The following CHLSN variants were observed in gnomAD, a reference collection of about 807,000 sequenced individuals.
CHLSN encodes the protein cholesin, also known as protein cholesin.
the CHLSN span, among the ~76,000 whole-genome samples, chr7:1,005,156 T>C: frequency 1.3e-5 from 2 of 152,182 alleles, no homozygotes; most frequent in Non-Finnish European, 2.9e-5. Context: ...CCGGGCGTGG[T>C]GTCGGATGCC....
chr7:1,044,623 C>G, the CHLSN span: 2 of 151,446 alleles, frequency 1.3e-5, no homozygotes, highest in Non-Finnish European at 3.0e-5. Flanking sequence ...GCTGCCCGCC[C>G]GGCGGCGACT....
the CHLSN span, chr7:1,028,784 C>A: frequency 2.3e-6 from 2 of 875,458 alleles, no homozygotes; most frequent in South Asian, 5.4e-5. Flanking sequence ...CTGCCGCCAT[C>A]TGTCCCTATC....
At chr7:1,009,140 G>A in the CHLSN span, among the ~76,000 whole-genome samples, 6 of 151,934 alleles carry the variant, frequency 3.9e-5, no homozygotes, top group African/African-American at 9.7e-5. Context: ...TCATCTCTCC[G>A]AGGAGGTCAT....
the CHLSN span, among the ~76,000 whole-genome samples, chr7:1,002,717 CCCTGTGGGTGAGTGGAAT>C: frequency 1.6e-5 from 1 of 61,336 alleles, no homozygotes; most frequent in Non-Finnish European, 2.8e-5. Context: ...GTGAGTGGAG[CCCTGTGGGTGAGTGGAAT>C]CCTGTGGGTG....
chr7:1,013,004 C>A, the CHLSN span, among the ~76,000 whole-genome samples: 12 of 152,198 alleles, frequency 7.9e-5, no homozygotes, highest in Admixed American at 1.3e-4. Flanking sequence ...GGCAGCAGGT[C>A]CAGGCAGGCT....
the CHLSN span, among the ~76,000 whole-genome samples, chr7:1,063,514 T>A: frequency 6.6e-6 from 1 of 152,202 alleles, no homozygotes; most frequent in Non-Finnish European, 1.5e-5. Flanking sequence ...GGGGACTGTT[T>A]CCAACTTCAG....
the CHLSN span, among the ~76,000 whole-genome samples, chr7:1,082,931 TGAGGTGGGGTGGGAGGAGCCTCCCC>T: frequency 6.6e-6 from 1 of 152,146 alleles, no homozygotes; most frequent in Admixed American, 6.5e-5. Context: ...AAAATCAGAC[TGAGGTGGGGTGGGAGGAGCCTCCCC>T]GAGGCTCCTT....
chr7:1,031,901 C>A, the CHLSN span, among the ~76,000 whole-genome samples: 1 of 151,988 alleles, frequency 6.6e-6, no homozygotes, highest in African/African-American at 2.4e-5. Context: ...GCAAACACCA[C>A]CCGGGGAACG....
chr7:1,112,275 T>A, the CHLSN span, among the ~76,000 whole-genome samples: 14 of 152,260 alleles, frequency 9.2e-5, no homozygotes, highest in South Asian at 2.9e-3. Flanking sequence ...GAGCCTCCAG[T>A]TTCTCAGCAG....
At chr7:1,092,850 C>T in the CHLSN span, 26 of 1,611,646 alleles carry the variant, frequency 1.6e-5, no homozygotes, top group South Asian at 5.5e-5. Context: ...TCAGCAGTGC[C>T]GTGTAGACAG....
chr7:1,005,549 T>A, the CHLSN span, among the ~76,000 whole-genome samples: 4 of 152,214 alleles, frequency 2.6e-5, no homozygotes, highest in Admixed American at 2.6e-4. Context: ...AGCTGGGCTG[T>A]CCCTCGGCAG....
the CHLSN span, chr7:1,028,120 A>T: frequency 2.0e-6 from 1 of 488,540 alleles, no homozygotes; most frequent in Non-Finnish European, 2.6e-6. Flanking sequence ...TGCAGGGCGG[A>T]GCGGGGCCCG....
At chr7:1,097,950 A>G in the CHLSN span, among the ~76,000 whole-genome samples, 2 of 152,212 alleles carry the variant, frequency 1.3e-5, no homozygotes, top group Admixed American at 6.5e-5. This position sits in a 1 kb window ranked among gnomAD's most constrained non-coding sequence, Gnocchi z 4.3. Context: ...TCCCAAACTC[A>G]GAAGGAGGAA....
At chr7:1,134,839 T>C in the CHLSN span, among the ~76,000 whole-genome samples, 1 of 152,098 alleles carries the variant, frequency 6.6e-6, no homozygotes, top group Non-Finnish European at 1.5e-5. Flanking sequence ...ATCGCACCAC[T>C]GCACTCCAGC....
At chr7:1,011,614 CCACACCCAGATA>C in the CHLSN span, among the ~76,000 whole-genome samples, 3 of 148,566 alleles carry the variant, frequency 2.0e-5, no homozygotes, top group South Asian at 6.3e-4. Context: ...CCACACACGC[CCACACCCAGATA>C]CACACCCAGA....
At chr7:1,136,269 A>G in the CHLSN span, among the ~76,000 whole-genome samples, 1 of 118,744 alleles carries the variant, frequency 8.4e-6, no homozygotes, top group Non-Finnish European at 1.6e-5. Flanking sequence ...ACATATATAA[A>G]TATATAAAAT....
At chr7:1,086,059 C>T in the CHLSN span, among the ~76,000 whole-genome samples, 5 of 152,334 alleles carry the variant, frequency 3.3e-5, no homozygotes, top group South Asian at 2.1e-4. Flanking sequence ...TGCCCCGATC[C>T]GCTGACTCTA....
chr7:984,955 T>A, the CHLSN span: 13 of 1,599,570 alleles, frequency 8.1e-6, no homozygotes, highest in Admixed American at 8.4e-5. Context: ...TACAGGCATC[T>A]TCTTCTCATC....
chr7:1,028,709 C>G, the CHLSN span: 3 of 746,178 alleles, frequency 4.0e-6, no homozygotes, highest in Non-Finnish European at 4.8e-6. Flanking sequence ...CTCCATTATC[C>G]TCTCATCTCC....
Sources: allele counts gnomAD v4.1 joint callset (sites outside exome capture counted in the v4.1 genomes callset), GRCh38; gene constraint gnomAD v4.1.1; non-coding constraint Gnocchi (gnomAD v3.1); transcripts MANE v1.5; gene names NCBI Gene and HGNC (gene_info 2026-07-23, HGNC 2026-07-21).